Variants in PLXDC2 observed in about 807,000 individuals in gnomAD.
PLXDC2 encodes plexin domain-containing protein 2.
PLXDC2 carries 40 observed loss-of-function variants against 68.9 expected under a neutral mutation model. The observed-to-expected ratio is 0.58, with a 90% CI of 0.45 to 0.76. The LOEUF is 0.76. PLXDC2 is among the 30% of genes least tolerant of loss of function. The pLI is 0.00. For synonymous variants in PLXDC2, 243 were observed against 234.2 expected, an observed-to-expected ratio of 1.04 and a Z score of -0.34; for missense variants, 644 against 661.9, an observed-to-expected ratio of 0.97 and a Z score of 0.30.
intron 13 of PLXDC2, among the ~76,000 whole-genome samples, chr10:20,271,256 C>G (rs2119381594): frequency 6.6e-6 from 1 of 152,082 alleles, no homozygotes; most frequent in East Asian, 1.9e-4. Context: ...GTGTAAAGTG[C>G]TCTAGAGGAG....
At chr10:20,192,498 CAG>C (rs1468930603) in intron 9 of PLXDC2, among the ~76,000 whole-genome samples, 1 of 151,998 alleles carries the variant, frequency 6.6e-6, no homozygotes, top group Non-Finnish European at 1.5e-5. Context: ...AAATAGCACA[CAG>C]AGAATTATGA....
At chr10:20,152,854 T>A (rs539677825) in intron 6 of PLXDC2, among the ~76,000 whole-genome samples, 2 of 152,258 alleles carry the variant, frequency 1.3e-5, no homozygotes, top group African/African-American at 4.8e-5. Context: ...GTTTACAAAG[T>A]ACCAAAGTAC....
intron 4 of PLXDC2, among the ~76,000 whole-genome samples, chr10:20,136,618 T>G (rs534605005): frequency 2.6e-5 from 4 of 152,324 alleles, no homozygotes; most frequent in African/African-American, 9.6e-5. Flanking sequence ...TCCTTATGGA[T>G]AAAAGATCAT....
chr10:20,039,342 G>A (rs142749220), intron 2 of PLXDC2, among the ~76,000 whole-genome samples: 2 of 152,078 alleles, frequency 1.3e-5, no homozygotes, highest in African/African-American at 4.8e-5. Context: ...TTATTTTACG[G>A]CATTTCTTTT....
intron 1 of PLXDC2, among the ~76,000 whole-genome samples, chr10:19,991,762 C>T (rs972710862): frequency 6.6e-6 from 1 of 152,096 alleles, no homozygotes; most frequent in African/African-American, 2.4e-5. Flanking sequence ...AGAAGGCCCT[C>T]GGTGATTTGG....
At chr10:19,853,389 C>G (rs997979518) in intron 1 of PLXDC2, among the ~76,000 whole-genome samples, 12 of 151,760 alleles carry the variant, frequency 7.9e-5, no homozygotes, top group African/African-American at 2.7e-4. Flanking sequence ...GTTTCTCCTC[C>G]TTTATTTTTA....
chr10:20,096,274 AC>A (rs973571793), intron 4 of PLXDC2, among the ~76,000 whole-genome samples: 1 of 152,128 alleles, frequency 6.6e-6, no homozygotes, highest in African/African-American at 2.4e-5. Flanking sequence ...ACTCCTCGTC[AC>A]CCACTTTTTA....
intron 12 of PLXDC2, among the ~76,000 whole-genome samples, chr10:20,236,827 A>G (rs575646553): frequency 6.6e-6 from 1 of 152,282 alleles, no homozygotes; most frequent in South Asian, 2.1e-4. Context: ...CTGCACATAC[A>G]CATGCCTAAA....
chr10:19,856,550 G>A (rs1333230858), intron 1 of PLXDC2, among the ~76,000 whole-genome samples: 1 of 152,176 alleles, frequency 6.6e-6, no homozygotes, highest in East Asian at 1.9e-4. Flanking sequence ...TTGAGTTTGA[G>A]AAGCATTAGT....
chr10:20,218,542 A>C (rs1835169620), intron 11 of PLXDC2, among the ~76,000 whole-genome samples: 1 of 152,124 alleles, frequency 6.6e-6, no homozygotes, highest in African/African-American at 2.4e-5. Flanking sequence ...CAGTAAAATA[A>C]AAAAGCATAT....
chr10:20,142,498 A>T (rs928703733), intron 4 of PLXDC2, among the ~76,000 whole-genome samples: 2 of 152,150 alleles, frequency 1.3e-5, no homozygotes, highest in African/African-American at 4.8e-5. Context: ...TAATCCACAA[A>T]GTAAATAAAC....
Position 20,279,859 on chromosome 10 carries a change from T to C in PLXDC2, c.*40T>C. 6.4e-7 allele frequency: 1 copy of C among 1,566,052 alleles called. No individual in the cohort carries two copies. Among genetic ancestry groups the C allele is most frequent in the Non-Finnish European group, 8.8e-7 (1 of 1,139,328 alleles). On this transcript the variant is annotated 3_prime_UTR_variant, in exon 14 of 14. Transcript: ENST00000377252. ...AACAACACCAGTACTGGTTTACAGGTGTTAAGACTAAAATTTTGCCTATAC... is the reference window on the plus strand; with the variant it reads ...AACAACACCAGTACTGGTTTACAGGCGTTAAGACTAAAATTTTGCCTATAC...
intron 4 of PLXDC2, among the ~76,000 whole-genome samples, chr10:20,089,058 A>T (rs1833238845): frequency 6.6e-6 from 1 of 152,182 alleles, no homozygotes; most frequent in African/African-American, 2.4e-5. Flanking sequence ...TGTCAGAACC[A>T]TAACAAATAC....
rs947584070 is a variant in PLXDC2 at position 19,886,794 on chromosome 10, A to G, written c.112+69603A>G. On this transcript the variant is annotated intron_variant, in intron 1 of 13. Coordinates refer to ENST00000377252, the MANE Select transcript of PLXDC2 (RefSeq NM_032812.9). ...GGCCAGGGCAATAAATAAGATTTTTATGAGAAAAAATTCTGTAATTCTGAA... is the reference window on the plus strand; with the variant it reads ...GGCCAGGGCAATAAATAAGATTTTTGTGAGAAAAAATTCTGTAATTCTGAA... Among the ~76,000 whole-genome samples, 5 of 152,324 alleles carry G rather than the reference A, an allele frequency of 3.3e-5. No individual in the cohort carries two copies. The East Asian group carries it at 9.7e-4, about 29-fold the overall frequency.
chr10:20,101,797 T>G (rs1833425236), intron 4 of PLXDC2, among the ~76,000 whole-genome samples: 1 of 151,238 alleles, frequency 6.6e-6, no homozygotes, highest in Non-Finnish European at 1.5e-5. Context: ...TTACCAAACT[T>G]TTTTTTTTAA....
At chr10:20,161,802 TGG>T (rs1259931347) in intron 6 of PLXDC2, among the ~76,000 whole-genome samples, 1 of 151,692 alleles carries the variant, frequency 6.6e-6, no homozygotes, top group African/African-American at 2.4e-5. Flanking sequence ...GAGGCCGAGG[TGG>T]GCGGATCACC....
chr10:20,028,090 T>G (rs1045552051), intron 2 of PLXDC2, among the ~76,000 whole-genome samples: 3 of 152,250 alleles, frequency 2.0e-5, no homozygotes, highest in Non-Finnish European at 4.4e-5. Context: ...AGTCTTGGCT[T>G]GGGCATGGTC....
At chr10:20,206,283 T>C (rs925500206) in intron 9 of PLXDC2, among the ~76,000 whole-genome samples, 47 of 152,184 alleles carry the variant, frequency 3.1e-4, no homozygotes, top group African/African-American at 9.9e-4. Flanking sequence ...CTTTTAATCA[T>C]GTTCTCCTGA....
intron 7 of PLXDC2, among the ~76,000 whole-genome samples, chr10:20,176,311 T>C (rs1834526145): frequency 6.6e-6 from 1 of 152,022 alleles, no homozygotes; most frequent in African/African-American, 2.4e-5. Flanking sequence ...ATATACAGGG[T>C]GATGATTTGA....
Sources: gnomAD v4.1 joint callset for allele counts (sites outside exome capture counted in the v4.1 genomes callset) on GRCh38, gnomAD v4.1.1 for gene constraint, MANE v1.5 for transcripts, NCBI Gene and HGNC (gene_info 2026-07-23, HGNC 2026-07-21) for gene names.